Variants in PRAG1 observed in about 807,000 individuals in gnomAD.
PRAG1 encodes PEAK1 related, kinase-activating pseudokinase 1, also known as inactive tyrosine-protein kinase PRAG1.
A neutral mutation model predicts 95.6 loss-of-function variants in PRAG1; 110 were observed. The ratio of observed to expected loss-of-function variants is 1.15; its 90% CI spans 0.99 to 1.35. The LOEUF is 1.35. Ranked by LOEUF, PRAG1 falls within the 40% of genes most tolerant of loss-of-function variation. PRAG1 has a pLI of 0.00. For synonymous variants in PRAG1, 1,052 were observed against 819.4 expected (o/e 1.28, Z -4.85); for missense variants, 2,554 against 1,864.7 (o/e 1.37, Z -6.81).
intron 3 of PRAG1, among the ~76,000 whole-genome samples, chr8:8,360,855 T>C (rs1037929744): frequency 6.6e-6 from 1 of 152,220 alleles, no homozygotes; most frequent in African/African-American, 2.4e-5. Context: ...TCATATTATC[T>C]CAGTGGGTGG....
intron 3 of PRAG1, among the ~76,000 whole-genome samples, chr8:8,354,234 G>C (rs2116874515): frequency 6.6e-6 from 1 of 152,152 alleles, no homozygotes; most frequent in East Asian, 1.9e-4. Flanking sequence ...GAAATAAAAA[G>C]CTTGAACAGA....
At chr8:8,367,132 T>G (rs563591458) in intron 3 of PRAG1, among the ~76,000 whole-genome samples, 1 of 152,096 alleles carries the variant, frequency 6.6e-6, no homozygotes, top group South Asian at 2.1e-4. Context: ...ATGATCAGAA[T>G]TGGCATGGAG....
intron 5 of PRAG1, among the ~76,000 whole-genome samples, chr8:8,326,195 A>G (rs1798633071): frequency 6.9e-6 from 1 of 145,800 alleles, no homozygotes; most frequent in African/African-American, 2.6e-5. Context: ...GAATATTAGT[A>G]TTATTACTAC....
rs563857870 is a variant in PRAG1 at position 8,349,239 on chromosome 8, G to A, written c.2163-9604C>T. Among the ~76,000 whole-genome samples the A allele has an allele frequency of 9.7e-4, 147 of 151,452 alleles. 2 individuals are homozygous for A. The South Asian group carries it at 9.8e-3, about 10-fold the overall frequency. ...GGAGAAAGGCAGATAACTAAGCTAG[G>A]GAGGTTTCTATTATTTATCTATCTA... On this transcript the variant is annotated intron_variant, in intron 3 of 5. Coordinates refer to ENST00000615670, the MANE Select transcript of PRAG1 (RefSeq NM_001080826.3).
Position 8,377,427 on chromosome 8 carries a change from G to A in PRAG1, c.982C>T (p.Leu328=). The A allele has an allele frequency of 1.3e-6, 2 of 1,562,428 alleles. No individual in the cohort carries two copies. The highest frequency in any genetic ancestry group is 2.2e-5 in the East Asian group (1 of 44,530). ...ATGGCAGCCTCCGAGGTGAGGGACA[G>A]TTTCTTGGGGCCCAGGCAGGATGGG... ...AHPSCLGPKK[L]SLTSEAAISS... The change falls in exon 3 of 6, where the codon CTG becomes TTG. Residue 328 remains leucine (L), a synonymous_variant. Coordinates refer to ENST00000615670, the MANE Select transcript of PRAG1 (RefSeq NM_001080826.3).
rs113267897 is a variant in PRAG1 at position 8,348,401 on chromosome 8, T to C, written c.2163-8766A>G. 2.6e-5 allele frequency among the ~76,000 whole-genome samples: 4 copies of C among 152,232 alleles called. 1 individual carries two copies. The highest frequency in any genetic ancestry group is 5.9e-5 in the Non-Finnish European group (4 of 68,046). ...AGAAACACACATCTCAAATTTTCTT[T>C]GACAATCTCAATTTCAAATATTCCC... On this transcript the variant is annotated intron_variant, in intron 3 of 5. Coordinates refer to ENST00000615670, the MANE Select transcript of PRAG1 (RefSeq NM_001080826.3).
In PRAG1 at chr8:8,377,251, G is replaced by T. The variant is rs538243031; in HGVS notation, c.1158C>A (p.Thr386=). ...KQQDPGCPGV[T]PSRCLGLTGE... ...CCGTCAGCCCAAGGCATCTGCTAGG[G>T]GTCACCCCTGGGCAGCCAGGGTCCT... The change falls in exon 3 of 6, where the codon ACC becomes ACA. Residue 386 remains threonine (T), a synonymous_variant. Coordinates refer to ENST00000615670, the MANE Select transcript of PRAG1 (RefSeq NM_001080826.3). 6.2e-7 allele frequency: 1 copy of T among 1,612,744 alleles called. No homozygotes were observed. The highest frequency in any genetic ancestry group is 8.5e-7 in the Non-Finnish European group (1 of 1,179,972).
chr8:8,350,935 G>C (rs561019758), intron 3 of PRAG1, among the ~76,000 whole-genome samples: 3 of 148,186 alleles, frequency 2.0e-5, no homozygotes, highest in Admixed American at 6.8e-5. Context: ...TGGATGGATG[G>C]ATGGATGGGT....
At chr8:8,326,351 G>T (rs1179712928) in intron 5 of PRAG1, among the ~76,000 whole-genome samples, 1 of 151,666 alleles carries the variant, frequency 6.6e-6, no homozygotes, top group South Asian at 2.1e-4. Context: ...CCCCACCAAG[G>T]CCATTTCAAA....
chr8:8,379,330 G>A (rs776248960), intron 2 of PRAG1, among the ~76,000 whole-genome samples: 3 of 152,198 alleles, frequency 2.0e-5, no homozygotes, highest in Non-Finnish European at 4.4e-5. Flanking sequence ...TGAAGTCACC[G>A]TTTCCTCCTC....
At chr8:8,383,668 C>G (rs183457877) in intron 1 of PRAG1, among the ~76,000 whole-genome samples, 12 of 152,262 alleles carry the variant, frequency 7.9e-5, no homozygotes, top group Middle Eastern at 3.4e-3. Context: ...TATCTTTTAG[C>G]AGTTATTGTT....
At position 8,328,426 on chromosome 8, in the gene PRAG1, T is replaced by A. The variant is rs755872843; in HGVS notation, c.2356A>T (p.Ser786Cys). 6.2e-7 allele frequency: 1 copy of A among 1,613,670 alleles called. No homozygotes were observed. Among genetic ancestry groups the A allele is most frequent in the South Asian group, 1.1e-5 (1 of 91,080 alleles). The change falls in exon 5 of 6, where the codon AGC becomes TGC. Residue 786 changes from serine (S) to cysteine (C), a missense_variant. Coordinates refer to ENST00000615670, the MANE Select transcript of PRAG1 (RefSeq NM_001080826.3). ...ACGGGAGCAAAGAGCTTCTTCCCGC[T>A]GTTGGTGGGCGAGTGAGCCAGCTCA... ...SSELAHSPTN[S>C]GKKLFAPVPF...
chr8:8,335,941 T>C lies in PRAG1; in HGVS notation c.2320+3537A>G, dbSNP rs1214815675. 2.6e-5 allele frequency among the ~76,000 whole-genome samples: 4 copies of C among 152,186 alleles called. No individual in the cohort carries two copies. The South Asian group carries it at 6.2e-4, about 24-fold the overall frequency. On this transcript the variant is annotated intron_variant, in intron 4 of 5. Coordinates refer to ENST00000615670, the MANE Select transcript of PRAG1 (RefSeq NM_001080826.3). The stretch of plus-strand genomic sequence containing the variant: ...AAATGAATGACTGCATTAATATGCA[T>C]TTCTTAAAAATTTGCCAGTAGTAGT...
At chr8:8,323,124 G>A (rs867816335) in intron 5 of PRAG1, among the ~76,000 whole-genome samples, 12 of 152,160 alleles carry the variant, frequency 7.9e-5, no homozygotes, top group Non-Finnish European at 1.6e-4. Context: ...AAACAAGATG[G>A]GAGACTGTCG....
At chr8:8,344,128 G>C (rs1178600351) in intron 3 of PRAG1, among the ~76,000 whole-genome samples, 2 of 151,988 alleles carry the variant, frequency 1.3e-5, no homozygotes, top group South Asian at 2.1e-4. Flanking sequence ...TTTTAAGCTA[G>C]TGGCTACCAT....
At chr8:8,342,608 T>C (rs1315158867) in intron 3 of PRAG1, among the ~76,000 whole-genome samples, 5 of 152,130 alleles carry the variant, frequency 3.3e-5, no homozygotes, top group Admixed American at 6.6e-5. Flanking sequence ...TCAGTAAAGA[T>C]CTGGTTCTGA....
intron 2 of PRAG1, among the ~76,000 whole-genome samples, chr8:8,379,609 T>C (rs1254498241): frequency 6.6e-6 from 1 of 152,182 alleles, no homozygotes; most frequent in East Asian, 1.9e-4. Context: ...TGACCTTAGT[T>C]TTCATATATG....
intron 4 of PRAG1, among the ~76,000 whole-genome samples, chr8:8,332,380 C>T (rs1297250000): frequency 6.6e-6 from 1 of 152,048 alleles, no homozygotes; most frequent in Non-Finnish European, 1.5e-5. Flanking sequence ...CCAGGCTGGT[C>T]TTGAACTTCT....
intron 3 of PRAG1, chr8:8,374,876 C>T (rs545666311): frequency 6.0e-5 from 10 of 167,980 alleles, no homozygotes; most frequent in Non-Finnish European, 1.1e-4. Context: ...TGGTCAATTT[C>T]CTTGTTTCTG....
Sources: allele counts gnomAD v4.1 joint callset (sites outside exome capture counted in the v4.1 genomes callset), GRCh38; gene constraint gnomAD v4.1.1; transcripts MANE v1.5; gene names NCBI Gene and HGNC (gene_info 2026-07-23, HGNC 2026-07-21).